ABCB10: variants seen among roughly 807,000 people sequenced by gnomAD.
ABCB10 encodes ATP binding cassette subfamily B member 10, also known as ATP-binding cassette sub-family B member 10, mitochondrial.
ABCB10 carries 54 observed loss-of-function variants against 65.4 expected under a neutral mutation model. The observed-to-expected ratio is 0.83, with a 90% CI of 0.66 to 1.04. The LOEUF (loss-of-function observed/expected upper bound fraction) is 1.04. Among genes scored for constraint, ABCB10 ranks in the 50% least tolerant of loss-of-function variants. The pLI, the probability that ABCB10 is intolerant of heterozygous loss-of-function variation, is 0.00. For synonymous variants in ABCB10, 418 were observed against 406.5 expected, an observed-to-expected ratio of 1.03 and a Z score of -0.34; for missense variants, 846 against 976.6, an observed-to-expected ratio of 0.87 and a Z score of 1.78.
At chr1:229,538,226 G>A (rs1360491245) in intron 6 of ABCB10, among the ~76,000 whole-genome samples, 2 of 152,162 alleles carry the variant, frequency 1.3e-5, no homozygotes, top group East Asian at 1.9e-4. Flanking sequence ...GAACAGAGAG[G>A]GCAATAGAAC....
chr1:229,552,657 T>A (rs1170810681), intron 1 of ABCB10, among the ~76,000 whole-genome samples: 2 of 152,130 alleles, frequency 1.3e-5, no homozygotes, highest in Non-Finnish European at 2.9e-5. Context: ...AGGGCACCCA[T>A]CTGGTTATAT....
chr1:229,527,181 A>T, intron 9 of ABCB10, 48 bp downstream of exon 9: 1 of 1,531,678 alleles, frequency 6.5e-7, no homozygotes, highest in Non-Finnish European at 8.9e-7. Context: ...AAAAGACAAA[A>T]GTAATTTTAA....
At chr1:229,553,944 T>C (rs2102711771) in intron 1 of ABCB10, among the ~76,000 whole-genome samples, 1 of 152,176 alleles carries the variant, frequency 6.6e-6, no homozygotes, top group South Asian at 2.1e-4. Flanking sequence ...CAGGGCTGAG[T>C]ACACAAGAAA....
chr1:229,554,076 C>T (rs772513096), intron 1 of ABCB10, among the ~76,000 whole-genome samples: 3 of 152,178 alleles, frequency 2.0e-5, no homozygotes, highest in South Asian at 4.1e-4. Context: ...AGATGCTTTG[C>T]GGAGAAAGGT....
At chr1:229,537,621 T>C (rs1390218863) in intron 6 of ABCB10, among the ~76,000 whole-genome samples, 1 of 152,066 alleles carries the variant, frequency 6.6e-6, no homozygotes, top group Non-Finnish European at 1.5e-5. Context: ...ACCCCGTCTC[T>C]ATTAAAAAAA....
intron 6 of ABCB10, chr1:229,531,947 G>GTTTTTTTTTTTTTTTTT (rs34289048): frequency 7.7e-6 from 1 of 130,520 alleles, no homozygotes; most frequent in Non-Finnish European, 1.4e-5. Context: ...CAGTTTCATA[G>GTTTTTTTTTTTTTTTTT]TTTTTTTTTT....
At chr1:229,544,416 C>CAAAAAAA (rs35004821) in intron 3 of ABCB10, among the ~76,000 whole-genome samples, 2 of 60,994 alleles carry the variant, frequency 3.3e-5, no homozygotes, top group Admixed American at 1.8e-4. Flanking sequence ...GACCTTCTCT[C>CAAAAAAA]AAAAAAAAAA....
rs750299461 is a variant in ABCB10 at position 229,527,328 on chromosome 1, AG to A, written c.1646-21del. 1 of 1,601,810 alleles carries A rather than the reference AG, an allele frequency of 6.2e-7. No individual in the cohort carries two copies. Among genetic ancestry groups the A allele is most frequent in the South Asian group, 1.1e-5 (1 of 90,724 alleles). On this transcript the variant is annotated intron_variant, in intron 8 of 12. Coordinates refer to ENST00000344517, the MANE Select transcript of ABCB10 (RefSeq NM_012089.3). ...TAGTTCCTTGTTGAGAGGAAAGGAA[AG>A]GAAAGAGTCACTGAGTGTGATGAGG...
chr1:229,529,835 C>T (rs552128434), intron 8 of ABCB10, among the ~76,000 whole-genome samples: 1 of 152,274 alleles, frequency 6.6e-6, no homozygotes, highest in South Asian at 2.1e-4. Context: ...CTCCAGGGTG[C>T]TGCTGGAGCA....
Position 229,558,206 on chromosome 1 carries a change from G to C in ABCB10, c.447C>G (p.Pro149=), listed in dbSNP as rs761354806. ...GGGCCTCCGGGAGTCCGGCCGCTGC[G>C]GGGCGCAGCCGCCCCTTGTCCCCGG... ...APPGDKGRLR[P]AAAGLPEARK... The change falls in exon 1 of 13, where the codon CCC becomes CCG. Residue 149 remains proline (P), a synonymous_variant. Coordinates refer to ENST00000344517, the MANE Select transcript of ABCB10 (RefSeq NM_012089.3). 1.2e-4 allele frequency: 166 copies of C among 1,418,762 alleles called. No homozygotes were observed. Among genetic ancestry groups the C allele is most frequent in the Non-Finnish European group, 2.9e-5 (32 of 1,088,608 alleles). 87.9% of individuals were successfully genotyped at this position (1,418,762 alleles called of 1,614,324 possible).
At chr1:229,557,750 G>A (rs1169415328) in intron 1 of ABCB10, among the ~76,000 whole-genome samples, 5 of 151,784 alleles carry the variant, frequency 3.3e-5, no homozygotes, top group African/African-American at 1.2e-4. Flanking sequence ...AAGTATAAAC[G>A]CCTAATAACA....
intron 6 of ABCB10, among the ~76,000 whole-genome samples, chr1:229,532,807 A>C (rs755596416): frequency 6.6e-6 from 1 of 152,096 alleles, no homozygotes. Context: ...CTTGAGTCCA[A>C]GAGGTTAAGG....
intron 6 of ABCB10, among the ~76,000 whole-genome samples, chr1:229,537,027 T>C (rs997938602): frequency 4.6e-5 from 7 of 151,910 alleles, no homozygotes; most frequent in Admixed American, 2.0e-4. Context: ...TTATGCTAAG[T>C]GTAAGAAGCC....
intron 6 of ABCB10, among the ~76,000 whole-genome samples, chr1:229,533,785 T>C (rs1275167986): frequency 1.3e-5 from 2 of 152,172 alleles, no homozygotes; most frequent in Non-Finnish European, 2.9e-5. Flanking sequence ...AAAACTAATG[T>C]AGAGTGAATT....
Position 229,518,259 on chromosome 1 carries a change from C to A in ABCB10, c.2137G>T (p.Gly713Ter). ...VLDQGKITEY[G>*]KHEELLSKPN... ...TTTGAAAGCAGCTCTTCATGTTTTC[C>A]ATATTCAGTAATTTTTCCTTGGTCA... Residue 713 changes from glycine to a stop codon, truncating the protein, a stop_gained, in exon 13 of 13, where the codon GGA becomes TGA. Coordinates refer to ENST00000344517, the MANE Select transcript of ABCB10 (RefSeq NM_012089.3). LOFTEE classifies it high-confidence loss of function. 1 of 1,614,050 alleles carries A rather than the reference C, an allele frequency of 6.2e-7. No individual in the cohort carries two copies. The highest frequency in any genetic ancestry group is 8.5e-7 in the Non-Finnish European group (1 of 1,180,012).
At chr1:229,540,841 G>C (rs908036793) in intron 4 of ABCB10, 89 bp from the exon 5 acceptor site, 4 of 1,395,926 alleles carry the variant, frequency 2.9e-6, no homozygotes, top group African/African-American at 2.9e-5. Context: ...TTCTCATTTT[G>C]TTATTCATTA....
At chr1:229,553,968 C>T (rs921644677) in intron 1 of ABCB10, among the ~76,000 whole-genome samples, 2 of 152,216 alleles carry the variant, frequency 1.3e-5, no homozygotes, top group African/African-American at 4.8e-5. Context: ...TAACTATTAT[C>T]TTTATTACTA....
At chr1:229,518,797 TG>T in intron 12 of ABCB10, 43 bp downstream of exon 12, 1 of 1,474,402 alleles carries the variant, frequency 6.8e-7, no homozygotes, top group Non-Finnish European at 9.2e-7. Flanking sequence ...AGGAAGAATT[TG>T]GTTTAATACA....
Position 229,517,555 on chromosome 1 carries a change from C to CT in ABCB10, c.*623dup, listed in dbSNP as rs1662204347. 1 of 152,222 alleles carries CT rather than the reference C, an allele frequency of 6.6e-6. No individual in the cohort carries two copies. Among genetic ancestry groups the CT allele is most frequent in the African/African-American group, 2.4e-5 (1 of 41,452 alleles). 9.4% of individuals were successfully genotyped at this position (152,222 alleles called of 1,614,324 possible). A position where few individuals can be genotyped will look rare whatever the true frequency, so the allele number is the denominator to read the frequency against. On this transcript the variant is annotated 3_prime_UTR_variant, in exon 13 of 13. Coordinates refer to ENST00000344517, the MANE Select transcript of ABCB10 (RefSeq NM_012089.3). ...CTTTCATGTGCCAAAATGTTGAAAA[C>CT]TGCACATATTCAAACATAGTTCCCA...
Sources: allele counts gnomAD v4.1 joint callset (sites outside exome capture counted in the v4.1 genomes callset), GRCh38; gene constraint gnomAD v4.1.1; transcripts MANE v1.5; gene names NCBI Gene and HGNC (gene_info 2026-07-23, HGNC 2026-07-21).